ZKSCAN7: variants seen among roughly 807,000 people sequenced by gnomAD.
The protein encoded by ZKSCAN7 is zinc finger protein with KRAB and SCAN domains 7.
In ZKSCAN7, 38 loss-of-function variants were observed where a neutral mutation model predicts 65.3. That is an observed-to-expected ratio of 0.58 (90% CI 0.45 to 0.76). The LOEUF (loss-of-function observed/expected upper bound fraction) is 0.76. Among genes scored for constraint, ZKSCAN7 ranks in the 30% least tolerant of loss-of-function variants. The pLI, the probability that ZKSCAN7 is intolerant of heterozygous loss-of-function variation, is 0.00. For synonymous variants in ZKSCAN7, 321 were observed against 321.0 expected (o/e 1.00, Z 0.00); for missense variants, 815 against 913.3 (o/e 0.89, Z 1.39).
At chr3:44,581,057 C>T in intron 5 of ZKSCAN7, 1 of 1,419,566 alleles carries the variant, frequency 7.0e-7, no homozygotes, top group Non-Finnish European at 9.3e-7. Context: ...CGGCGCAGGC[C>T]CGGCCGGCCT....
At chr3:44,567,003 C>G (rs1365771490) in intron 3 of ZKSCAN7, among the ~76,000 whole-genome samples, 1 of 152,008 alleles carries the variant, frequency 6.6e-6, no homozygotes, top group East Asian at 1.9e-4. Context: ...GTAATCCCAG[C>G]TACTCCAGAG....
intron 5 of ZKSCAN7, chr3:44,579,861 C>T (rs1196307839): frequency 1.3e-5 from 21 of 1,610,480 alleles, no homozygotes; most frequent in Non-Finnish European, 1.5e-5. Flanking sequence ...GTCAGCCAGC[C>T]TTTCTTGAAA....
Position 44,568,304 on chromosome 3 carries a change from C to G in ZKSCAN7, c.685-3C>G, listed in dbSNP as rs755005490. ...CCTGAGCGATTGGAGCTTGTCATTC[C>G]AGGATACTGTGGCATATGAGGACCT... On this transcript the variant is annotated splice_region_variant and splice_polypyrimidine_tract_variant and intron_variant, in intron 4 of 5. Transcript: ENST00000426540. 3.7e-6 allele frequency: 6 copies of G among 1,611,260 alleles called. No individual in the cohort carries two copies. In the South Asian group the frequency reaches 6.6e-5, roughly 18 times the overall value.
At chr3:44,559,149 T>C (rs1293423750) in intron 2 of ZKSCAN7, among the ~76,000 whole-genome samples, 1 of 151,996 alleles carries the variant, frequency 6.6e-6, no homozygotes, top group African/African-American at 2.4e-5. Flanking sequence ...GGCTCATGCA[T>C]TCATCCGTTA....
chr3:44,575,243 C>G (rs565798404), downstream of ZKSCAN7, among the ~76,000 whole-genome samples: 407 of 152,320 alleles, frequency 2.7e-3, 1 homozygote, highest in African/African-American at 9.5e-3. Context: ...CTCCAGTGAG[C>G]TATCATTGCA....
At position 44,570,592 on chromosome 3, in the gene ZKSCAN7, T is replaced by G; in HGVS notation, c.1482T>G (p.Pro494=). 3.7e-6 allele frequency: 6 copies of G among 1,613,670 alleles called. No individual in the cohort carries two copies. The highest frequency in any genetic ancestry group is 4.2e-6 in the Non-Finnish European group (5 of 1,179,816). ...DHQRTHTGEK[P]YECNECGEAF... Reference sequence around the variant, plus strand: ...AGAGAACCCATACTGGGGAGAAACCTTATGAATGCAATGAGTGTGGAGAGG... The same window carrying G: ...AGAGAACCCATACTGGGGAGAAACCGTATGAATGCAATGAGTGTGGAGAGG... Residue 494 remains proline (P), a synonymous_variant, in exon 6 of 6, where the codon CCT becomes CCG. Coordinates refer to ENST00000426540, the MANE Select transcript of ZKSCAN7 (RefSeq NM_001288590.2).
At chr3:44,573,067 G>A (rs748393548), downstream of ZKSCAN7, among the ~76,000 whole-genome samples, 14 of 152,096 alleles carry the variant, frequency 9.2e-5, no homozygotes, top group Non-Finnish European at 1.0e-4. Context: ...TTAATTTAAA[G>A]ATGAGAGCTG....
downstream of ZKSCAN7, among the ~76,000 whole-genome samples, chr3:44,573,139 A>G (rs1279669000): frequency 6.6e-6 from 1 of 152,214 alleles, no homozygotes; most frequent in Non-Finnish European, 1.5e-5. Flanking sequence ...ACATAAGAAA[A>G]GAAATCTCAG....
intron 5 of ZKSCAN7, chr3:44,580,917 T>C: frequency 6.2e-6 from 10 of 1,613,302 alleles, no homozygotes; most frequent in Non-Finnish European, 8.5e-6. Context: ...CGTCAGGTCC[T>C]CGTCGTTGAG....
At chr3:44,581,292 G>A (rs1700081380) in intron 5 of ZKSCAN7, among the ~76,000 whole-genome samples, 1 of 149,956 alleles carries the variant, frequency 6.7e-6, no homozygotes, top group South Asian at 2.1e-4. Context: ...GCTGCTTCCC[G>A]CTGCGGCCCG....
At chr3:44,557,779 C>T (rs189883029) in intron 2 of ZKSCAN7, among the ~76,000 whole-genome samples, 3 of 152,204 alleles carry the variant, frequency 2.0e-5, no homozygotes, top group East Asian at 3.9e-4. Context: ...CGGGGGAAGG[C>T]GGGCCTTTGG....
chr3:44,581,443 CTTTG>C (rs898356536), intron 5 of ZKSCAN7, among the ~76,000 whole-genome samples: 4 of 152,308 alleles, frequency 2.6e-5, no homozygotes, highest in South Asian at 2.1e-4. Flanking sequence ...ACACCAGAGA[CTTTG>C]TTTGACATCA....
intron 5 of ZKSCAN7, chr3:44,579,998 G>A: frequency 6.3e-7 from 1 of 1,580,502 alleles, no homozygotes; most frequent in Non-Finnish European, 8.7e-7. Context: ...CATTGGTGAA[G>A]TCCTGCTTGC....
downstream of ZKSCAN7, among the ~76,000 whole-genome samples, chr3:44,575,141 A>T (rs1324658692): frequency 6.6e-6 from 1 of 152,118 alleles, no homozygotes; most frequent in Non-Finnish European, 1.5e-5. Flanking sequence ...TAAATAAAAA[A>T]ATATATTAGT....
chr3:44,556,958 C>A lies in ZKSCAN7; in HGVS notation c.-90C>A. 1 of 1,561,174 alleles carries A rather than the reference C, an allele frequency of 6.4e-7. No individual in the cohort carries two copies. Among genetic ancestry groups the A allele is most frequent in the Non-Finnish European group, 8.7e-7 (1 of 1,143,646 alleles). On this transcript the variant is annotated 5_prime_UTR_variant, in exon 2 of 6. Transcript: ENST00000426540. ...ACACTACCATCACCCCTTTCTCCAACCCTGAAAAACAGTTCCTGAGACCTG... is the reference window on the plus strand; with the variant it reads ...ACACTACCATCACCCCTTTCTCCAAACCTGAAAAACAGTTCCTGAGACCTG...
At chr3:44,568,895 T>C (rs6808641) in intron 5 of ZKSCAN7, among the ~76,000 whole-genome samples, 49,486 of 152,114 alleles carry the variant, frequency 0.33, 8,777 homozygotes, top group African/African-American at 0.41. Context: ...CCTCCTCCTC[T>C]TGCCCATTTT....
intron 2 of ZKSCAN7, among the ~76,000 whole-genome samples, chr3:44,563,439 C>T (rs769923082): frequency 9.2e-5 from 14 of 152,252 alleles, no homozygotes; most frequent in Non-Finnish European, 1.8e-4. Context: ...GAGGTTCAGT[C>T]GACTCACAGT....
At chr3:44,575,895 T>C (rs114389305), downstream of ZKSCAN7, among the ~76,000 whole-genome samples, 1 of 152,152 alleles carries the variant, frequency 6.6e-6, no homozygotes, top group African/African-American at 2.4e-5. Context: ...TATTATTATT[T>C]TTTAAAGTTC....
Position 44,581,033 on chromosome 3 carries a change from CGCG to C in ZKSCAN7, c.812-1923_812-1921del, listed in dbSNP as rs563829386. Reference sequence around the variant, plus strand: ...TCTCCTTGGCTGCCGACATGGTCGGCGCGGCGGCGGCGGCGGCGCAGGCCCGGC... The same window carrying C: ...TCTCCTTGGCTGCCGACATGGTCGGCGCGGCGGCGGCGGCGCAGGCCCGGC... On this transcript the variant is annotated intron_variant, in intron 5 of 5. Transcript: ENST00000341840. 1,607 of 1,520,174 alleles carry C rather than the reference CGCG, an allele frequency of 1.1e-3. 13 individuals are homozygous for C. The highest frequency in any genetic ancestry group is 8.4e-3 in the South Asian group (687 of 81,322). The allele number at this position is 1,520,174 out of a possible 1,614,324, so 94.2% of individuals were successfully genotyped here.
Sources: allele counts gnomAD v4.1 joint callset (sites outside exome capture counted in the v4.1 genomes callset), GRCh38; gene constraint gnomAD v4.1.1; transcripts MANE v1.5; gene names NCBI Gene and HGNC (gene_info 2026-07-23, HGNC 2026-07-21).